The following PPFIBP2 variants were observed in gnomAD, a reference collection of about 807,000 sequenced individuals.
PPFIBP2 encodes the protein liprin-beta-2.
A neutral mutation model predicts 118.3 loss-of-function variants in PPFIBP2; 118 were observed. The ratio of observed to expected loss-of-function variants is 1.00; its 90% CI spans 0.86 to 1.16. The LOEUF is 1.16. Among genes scored for constraint, PPFIBP2 ranks in the 50% most tolerant of loss-of-function variants. The pLI is 0.00. For synonymous variants in PPFIBP2, 414 were observed against 397.4 expected (o/e 1.04, Z -0.50); for missense variants, 1,195 against 1,073.1 (o/e 1.11, Z -1.59).
chr11:7,619,720 A>T (rs116798909), intron 6 of PPFIBP2, among the ~76,000 whole-genome samples: 1,647 of 152,354 alleles, frequency 0.011, 33 homozygotes, highest in African/African-American at 0.037. Context: ...GACGAATTGC[A>T]TACATAGAGG....
At chr11:7,550,687 C>CA (rs1476580219) in intron 2 of PPFIBP2, among the ~76,000 whole-genome samples, 6 of 152,174 alleles carry the variant, frequency 3.9e-5, no homozygotes, top group Non-Finnish European at 7.3e-5. Flanking sequence ...AAGGATGCAG[C>CA]AAAGTATTGA....
rs1393347791 is a variant in PPFIBP2, at chr11:7,552,841, A to G, written c.64+3302A>G. ...CGGAAGGCCTTCCCTGACTGTGTCT[A>G]TCATGCATTCCCACATAACTCTGTT... On this transcript the variant is annotated intron_variant, in intron 2 of 23. Transcript: ENST00000299492. 3.9e-5 allele frequency among the ~76,000 whole-genome samples: 6 copies of G among 151,982 alleles called. No individual in the cohort carries two copies. In the South Asian group the frequency reaches 8.3e-4, roughly 21 times the overall value.
intron 2 of PPFIBP2, among the ~76,000 whole-genome samples, chr11:7,554,234 T>C (rs1481601200): frequency 6.6e-6 from 1 of 152,164 alleles, no homozygotes; most frequent in African/African-American, 2.4e-5. Context: ...ACCACGTATT[T>C]CAACGGAAAA....
Position 7,625,801 on chromosome 11 carries a change from CA to C in PPFIBP2, c.737del (p.Gln246ArgfsTer4). ...GGCTGAAGTCGCCCAGCTGCAAGAA[CA>C]GGTGGCCCTGAAAGATGCAGAAATT... ...TKAEVAQLQE[Q>X]VALKDAEIER... is the part of the protein sequence containing the mutation. On this transcript the variant is annotated frameshift_variant, in exon 8 of 24. Coordinates refer to ENST00000299492, the MANE Select transcript of PPFIBP2 (RefSeq NM_003621.5). LOFTEE classifies it high-confidence loss of function. 4 of 1,614,220 alleles carry C rather than the reference CA, an allele frequency of 2.5e-6. No homozygotes were observed. The highest frequency in any genetic ancestry group is 3.4e-6 in the Non-Finnish European group (4 of 1,180,016).
chr11:7,655,540 G>A (rs74601319), downstream of PPFIBP2: 1,761 of 1,275,550 alleles, frequency 1.4e-3, 15 homozygotes, highest in African/African-American at 0.024. Context: ...CTGGTGCCAG[G>A]GAGGCCCAGT....
chr11:7,535,958 A>G lies in PPFIBP2; in HGVS notation c.-36-13482A>G, dbSNP rs115545133. 5.4e-3 allele frequency among the ~76,000 whole-genome samples: 822 copies of G among 152,268 alleles called. 12 individuals carry two copies. The highest frequency in any genetic ancestry group is 0.019 in the African/African-American group (771 of 41,536). ...AGGGACCCGGAGAGCGCTTCTCCCA[A>G]ATGCCAGAGGAGGAGAGTGTCACCA... On this transcript the variant is annotated intron_variant, in intron 1 of 23. Coordinates refer to ENST00000299492, the MANE Select transcript of PPFIBP2 (RefSeq NM_003621.5).
intron 6 of PPFIBP2, among the ~76,000 whole-genome samples, chr11:7,619,615 A>G (rs1469145189): frequency 1.3e-5 from 2 of 152,250 alleles, no homozygotes; most frequent in African/African-American, 2.4e-5. Context: ...CCAGGCTGTC[A>G]GTGCTAATTG....
chr11:7,570,257 G>C (rs1478766333), intron 3 of PPFIBP2, among the ~76,000 whole-genome samples: 3 of 152,244 alleles, frequency 2.0e-5, no homozygotes, highest in Admixed American at 6.5e-5. Flanking sequence ...GGGATAGCCA[G>C]TTAGCTGGGA....
chr11:7,523,365 G>A (rs1016498132), intron 1 of PPFIBP2, among the ~76,000 whole-genome samples: 2 of 152,146 alleles, frequency 1.3e-5, no homozygotes, highest in Non-Finnish European at 2.9e-5. Context: ...TTGAATTATT[G>A]TCTGAGTTGT....
chr11:7,558,696 C>T (rs770521507), intron 2 of PPFIBP2, among the ~76,000 whole-genome samples: 25 of 151,304 alleles, frequency 1.7e-4, no homozygotes, highest in Admixed American at 8.6e-4. Flanking sequence ...GCGGAGGTTG[C>T]AGTGAGCTGA....
At chr11:7,665,748 C>A in the PPFIBP2 span, 1 of 1,305,832 alleles carries the variant, frequency 7.7e-7, no homozygotes, top group South Asian at 1.4e-5. Context: ...GTCCCAGGCT[C>A]ACTGCAGGGA....
rs184729235 is a variant in PPFIBP2 at position 7,551,462 on chromosome 11, T to G, written c.64+1923T>G. On this transcript the variant is annotated intron_variant, in intron 2 of 23. Coordinates refer to ENST00000299492, the MANE Select transcript of PPFIBP2 (RefSeq NM_003621.5). ...CTATTTCTGAACTCTGTATTCTGTTTCATGGATTTATTTTTTCTTTCACCA... is the reference window on the plus strand; with the variant it reads ...CTATTTCTGAACTCTGTATTCTGTTGCATGGATTTATTTTTTCTTTCACCA... Among the ~76,000 whole-genome samples the G allele has an allele frequency of 4.6e-5, 7 of 152,184 alleles. No homozygotes were observed. The East Asian group carries it at 1.3e-3, about 29-fold the overall frequency.
chr11:7,525,484 A>G (rs1196822058), intron 1 of PPFIBP2, among the ~76,000 whole-genome samples: 1 of 152,212 alleles, frequency 6.6e-6, no homozygotes, highest in Admixed American at 6.5e-5. Context: ...GGGAAGTTGC[A>G]TGCTCTGGGC....
chr11:7,658,475 CTCA>C, downstream of PPFIBP2, among the ~76,000 whole-genome samples: 1 of 91,126 alleles, frequency 1.1e-5, no homozygotes, highest in Non-Finnish European at 2.1e-5. Context: ...AGGACATGAA[CTCA>C]TCATTTTTTA....
At chr11:7,519,685 C>G (rs1385741517) in intron 1 of PPFIBP2, among the ~76,000 whole-genome samples, 1 of 152,114 alleles carries the variant, frequency 6.6e-6, no homozygotes, top group East Asian at 1.9e-4. Flanking sequence ...AGGAGACAGT[C>G]CTGGACAGCC....
intron 8 of PPFIBP2, among the ~76,000 whole-genome samples, chr11:7,626,751 C>A (rs150345682): frequency 7.1e-4 from 108 of 152,338 alleles, no homozygotes; most frequent in Non-Finnish European, 1.3e-3. Flanking sequence ...TTCAACTTGT[C>A]CACTGACTAC....
At chr11:7,662,829 T>G in the PPFIBP2 span, among the ~76,000 whole-genome samples, 2 of 151,494 alleles carry the variant, frequency 1.3e-5, no homozygotes, top group South Asian at 4.2e-4. Flanking sequence ...CCATATTTCT[T>G]GGAGGCTTTG....
At chr11:7,626,033 G>T (rs1590674031) in intron 8 of PPFIBP2, 142 bp downstream of exon 8, 1 of 689,640 alleles carries the variant, frequency 1.5e-6, no homozygotes, top group Admixed American at 2.6e-5. Flanking sequence ...ATGTGTGCAA[G>T]CGTGGCCAAG....
At chr11:7,665,510 A>G in the PPFIBP2 span, 18 of 1,613,228 alleles carry the variant, frequency 1.1e-5, no homozygotes, top group Non-Finnish European at 1.5e-5. Flanking sequence ...CTCCTTGATC[A>G]TGTCGGCAGT....
Sources: allele counts gnomAD v4.1 joint callset (sites outside exome capture counted in the v4.1 genomes callset), GRCh38; gene constraint gnomAD v4.1.1; transcripts MANE v1.5; gene names NCBI Gene and HGNC (gene_info 2026-07-23, HGNC 2026-07-21).